Variants in ENOX1 observed in about 807,000 individuals in gnomAD.
ENOX1 encodes ecto-NOX disulfide-thiol exchanger 1, also known as candidate growth-related and time keeping constitutive hydroquinone (NADH) oxidase.
Under a neutral mutation model 82.5 loss-of-function variants are expected in ENOX1, and 42 were observed. The observed-to-expected ratio is 0.51, with a 90% CI of 0.40 to 0.66. ENOX1 has a LOEUF of 0.66. Among genes scored for constraint, ENOX1 ranks in the 30% least tolerant of loss-of-function variants. ENOX1 has a pLI of 0.00. For synonymous variants in ENOX1, 271 were observed against 282.2 expected (o/e 0.96, Z 0.40); for missense variants, 608 against 811.6 (o/e 0.75, Z 3.05).
intron 2 of ENOX1, among the ~76,000 whole-genome samples, chr13:43,505,583 C>T (rs1487220755): frequency 6.6e-6 from 1 of 151,984 alleles, no homozygotes; most frequent in East Asian, 1.9e-4. Flanking sequence ...ATATCCTTCG[C>T]CCACTTTTTG....
rs116529539 is a variant in ENOX1 at position 43,236,059 on chromosome 13, G to T, written c.1714+577C>A. Among the ~76,000 whole-genome samples, 1,090 of 152,294 alleles carry T rather than the reference G, an allele frequency of 7.2e-3. 12 individuals carry two copies. Among genetic ancestry groups the T allele is most frequent in the African/African-American group, 0.025 (1,046 of 41,548 alleles). ...CAAGAATTCTTCCTCGTGAAAATAA[G>T]TAAGACATCTGGATCCACTGAGGAT... On this transcript the variant is annotated intron_variant, in intron 15 of 16. Transcript: ENST00000690772.
chr13:43,677,018 G>C (rs1285792636), intron 1 of ENOX1, among the ~76,000 whole-genome samples: 1 of 151,522 alleles, frequency 6.6e-6, no homozygotes, highest in Non-Finnish European at 1.5e-5. Flanking sequence ...ACTGCCCACC[G>C]AGTCTCCCAC....
intron 15 of ENOX1, among the ~76,000 whole-genome samples, chr13:43,226,003 AAAAT>A (rs1307782293): frequency 6.6e-6 from 1 of 152,174 alleles, no homozygotes; most frequent in African/African-American, 2.4e-5. Flanking sequence ...TGATACTTTA[AAAAT>A]ATCTTTAAGT....
intron 1 of ENOX1, among the ~76,000 whole-genome samples, chr13:43,782,687 TA>T (rs1457895837): frequency 6.6e-6 from 1 of 152,148 alleles, no homozygotes; most frequent in African/African-American, 2.4e-5. Flanking sequence ...TCATAAATAA[TA>T]AACAATGGAA....
rs372573321 is a variant in ENOX1, at chr13:43,434,745, T to C, written c.-74-21757A>G. Among the ~76,000 whole-genome samples, 8 of 152,244 alleles carry C rather than the reference T, an allele frequency of 5.3e-5. No individual in the cohort carries two copies. The East Asian group carries it at 9.7e-4, about 18-fold the overall frequency. On this transcript the variant is annotated intron_variant, in intron 3 of 16. Transcript: ENST00000690772. Reference sequence around the variant, plus strand: ...AATATTAAAAGAAAACCAGACATCATTGTTTAGGATGAGGCTAAAATGAGT... The same window carrying C: ...AATATTAAAAGAAAACCAGACATCACTGTTTAGGATGAGGCTAAAATGAGT...
At chr13:43,691,380 T>C (rs1173439100) in intron 1 of ENOX1, among the ~76,000 whole-genome samples, 18 of 151,628 alleles carry the variant, frequency 1.2e-4, no homozygotes, top group Admixed American at 1.2e-3. Flanking sequence ...TCCATCCTAC[T>C]CGTCTTCCAT....
At chr13:43,316,788 GGAAA>G (rs1186278230) in intron 11 of ENOX1, among the ~76,000 whole-genome samples, 1 of 150,378 alleles carries the variant, frequency 6.6e-6, no homozygotes, top group East Asian at 1.9e-4. Flanking sequence ...AAAAAAAAAA[GGAAA>G]GAAACAGGAA....
intron 3 of ENOX1, among the ~76,000 whole-genome samples, chr13:43,467,287 T>C (rs1056874947): frequency 6.6e-6 from 1 of 152,198 alleles, no homozygotes; most frequent in Non-Finnish European, 1.5e-5. Context: ...TGTCTGTCAA[T>C]TTTAGACAAT....
chr13:43,637,989 C>T (rs79763017), intron 2 of ENOX1, among the ~76,000 whole-genome samples: 8 of 151,998 alleles, frequency 5.3e-5, no homozygotes, highest in African/African-American at 9.7e-5. Flanking sequence ...GAAAAGGGTC[C>T]GAGAGCACCT....
chr13:43,470,162 C>T (rs940731103), intron 3 of ENOX1, among the ~76,000 whole-genome samples: 1 of 148,180 alleles, frequency 6.7e-6, no homozygotes, highest in African/African-American at 2.5e-5. Context: ...TACAACTGTA[C>T]TATAAAGTTT....
intron 14 of ENOX1, among the ~76,000 whole-genome samples, chr13:43,264,467 T>C (rs1038455721): frequency 2.0e-5 from 3 of 152,218 alleles, no homozygotes; most frequent in African/African-American, 7.2e-5. Flanking sequence ...ATAAACATCA[T>C]ATGTTAAATA....
chr13:43,263,993 T>G (rs758791476), intron 14 of ENOX1, among the ~76,000 whole-genome samples: 9 of 152,188 alleles, frequency 5.9e-5, no homozygotes, highest in South Asian at 4.1e-4. Flanking sequence ...ATGAATGGCT[T>G]CCTCCTTTGG....
intron 3 of ENOX1, among the ~76,000 whole-genome samples, chr13:43,459,821 A>T (rs1259002849): frequency 6.6e-6 from 1 of 152,246 alleles, no homozygotes; most frequent in East Asian, 1.9e-4. Context: ...GTGAAACCCC[A>T]TCTCTACTAA....
chr13:43,581,649 T>G (rs2153719169), intron 2 of ENOX1, among the ~76,000 whole-genome samples: 1 of 152,342 alleles, frequency 6.6e-6, no homozygotes, highest in Admixed American at 6.5e-5. Context: ...GAGTGATACT[T>G]TCCCTACTCT....
At chr13:43,526,255 G>T (rs1292171338) in intron 2 of ENOX1, among the ~76,000 whole-genome samples, 1 of 152,084 alleles carries the variant, frequency 6.6e-6, no homozygotes, top group Non-Finnish European at 1.5e-5. Context: ...AATTCCTACA[G>T]CATTAGTGGA....
chr13:43,587,152 T>C (rs4941463), intron 2 of ENOX1, among the ~76,000 whole-genome samples: 142,721 of 152,060 alleles, frequency 0.94, 67,576 homozygotes, highest in South Asian at 1. Context: ...AAGACCTTCA[T>C]TTTAAAAGAT....
At chr13:43,311,303 A>G (rs2047187873) in intron 11 of ENOX1, among the ~76,000 whole-genome samples, 1 of 152,070 alleles carries the variant, frequency 6.6e-6, no homozygotes, top group African/African-American at 2.4e-5. Context: ...CCTCCAAGAG[A>G]CCTCAGGGTC....
chr13:43,509,062 T>C (rs556734464), intron 2 of ENOX1, among the ~76,000 whole-genome samples: 42 of 152,100 alleles, frequency 2.8e-4, no homozygotes, highest in African/African-American at 9.4e-4. Context: ...AATTCAGAAA[T>C]TACTACATTT....
intron 5 of ENOX1, among the ~76,000 whole-genome samples, chr13:43,364,609 G>A (rs2050731780): frequency 2.6e-5 from 4 of 152,210 alleles, no homozygotes. Flanking sequence ...AATTGGATGA[G>A]CATTTTTCAG....
Sources: gnomAD v4.1 joint callset for allele counts (sites outside exome capture counted in the v4.1 genomes callset) on GRCh38, gnomAD v4.1.1 for gene constraint, MANE v1.5 for transcripts, NCBI Gene and HGNC (gene_info 2026-07-23, HGNC 2026-07-21) for gene names.